The following NDRG3 variants were observed in gnomAD, a reference collection of about 807,000 sequenced individuals.
NDRG3 encodes the protein NDRG family member 3.
A neutral mutation model predicts 57.2 loss-of-function variants in NDRG3; 23 were observed. The observed-to-expected ratio is 0.40, with a 90% CI of 0.29 to 0.57. The LOEUF (loss-of-function observed/expected upper bound fraction) is 0.57. Ranked by LOEUF, NDRG3 falls within the 20% of genes least tolerant of loss-of-function variation. The probability of loss-of-function intolerance (pLI) is 0.42; values close to 1 mark genes in which losing one functional copy is unlikely to be tolerated. For synonymous variants in NDRG3, 132 were observed against 162.6 expected, an observed-to-expected ratio of 0.81 and a Z score of 1.43; for missense variants, 384 against 457.3, an observed-to-expected ratio of 0.84 and a Z score of 1.46.
chr20:36,687,440 C>T (rs1981884051), intron 5 of NDRG3, 52 bp downstream of exon 5: 1 of 1,589,974 alleles, frequency 6.3e-7, no homozygotes, highest in Non-Finnish European at 8.6e-7. Flanking sequence ...TGGAGCTCAG[C>T]CAGTTGCTCT....
intron 1 of NDRG3, among the ~76,000 whole-genome samples, chr20:36,735,657 G>C (rs1985566288): frequency 6.6e-6 from 1 of 152,070 alleles, no homozygotes; most frequent in African/African-American, 2.4e-5. Flanking sequence ...GGGGAAGGGA[G>C]GAGGGACATA....
chr20:36,682,652 C>T, intron 6 of NDRG3, 74 bp from the exon 7 acceptor site: 3 of 1,290,194 alleles, frequency 2.3e-6, no homozygotes, highest in Non-Finnish European at 3.3e-6. Flanking sequence ...TGAAAGCATA[C>T]AACCTGGGTT....
chr20:36,710,205 T>A lies in NDRG3; in HGVS notation c.58-3198A>T, dbSNP rs6101916. 6.5e-3 allele frequency among the ~76,000 whole-genome samples: 983 copies of A among 152,128 alleles called. 12 individuals carry two copies. The highest frequency in any genetic ancestry group is 0.022 in the African/African-American group (923 of 41,476). ...TGAGCGTGGTAGTGCATGCTTATAGTCCCAGCTACTTGAGGGGCTGAGGTG... is the reference window on the plus strand; with the variant it reads ...TGAGCGTGGTAGTGCATGCTTATAGACCCAGCTACTTGAGGGGCTGAGGTG... On this transcript the variant is annotated intron_variant, in intron 2 of 15. Coordinates refer to ENST00000349004, the MANE Select transcript of NDRG3 (RefSeq NM_032013.4).
At chr20:36,671,952 G>A (rs1193633341) in intron 8 of NDRG3, among the ~76,000 whole-genome samples, 2 of 152,156 alleles carry the variant, frequency 1.3e-5, no homozygotes, top group Non-Finnish European at 2.9e-5. Flanking sequence ...GGGACTGGAA[G>A]GACAATGTCA....
intron 8 of NDRG3, among the ~76,000 whole-genome samples, chr20:36,676,340 G>A (rs998846604): frequency 6.6e-6 from 1 of 152,204 alleles, no homozygotes; most frequent in Non-Finnish European, 1.5e-5. Flanking sequence ...CTGGAAATCA[G>A]TGATTTATTA....
chr20:36,669,844 C>G (rs762056380), intron 9 of NDRG3, among the ~76,000 whole-genome samples: 3 of 150,312 alleles, frequency 2.0e-5, no homozygotes, highest in Non-Finnish European at 4.4e-5. Context: ...GTGGTCTGCT[C>G]ACCTCAGCCT....
In NDRG3 at chr20:36,675,670, G is replaced by A. The variant is rs146943660; in HGVS notation, c.532-4273C>T. ...CAAAGTGCTGGGATTACAGGTGTAA[G>A]CTACTGCACCTGGCCTACTTTTAAA... On this transcript the variant is annotated intron_variant, in intron 8 of 15. Transcript: ENST00000349004. 6.5e-3 allele frequency among the ~76,000 whole-genome samples: 991 copies of A among 152,122 alleles called. 8 individuals are homozygous for A. Among genetic ancestry groups the A allele is most frequent in the African/African-American group, 0.022 (900 of 41,500 alleles).
chr20:36,688,226 T>C (rs1342398586), intron 4 of NDRG3, among the ~76,000 whole-genome samples: 2 of 152,264 alleles, frequency 1.3e-5, no homozygotes. Context: ...TGTGTGTCTA[T>C]GGCTGGGGCC....
At chr20:36,663,554 T>A (rs1979378226) in intron 12 of NDRG3, among the ~76,000 whole-genome samples, 5 of 152,188 alleles carry the variant, frequency 3.3e-5, no homozygotes, top group Admixed American at 2.0e-4. Flanking sequence ...ATACTATTTT[T>A]AACCAATCGA....
chr20:36,666,348 C>T lies in NDRG3; in HGVS notation c.633G>A (p.Met211Ile). ...CTTGGTTGATGTCTTGGGCAATATG[C>T]ATTCTGTAGGTTTGGATCAGGTCCA... is the stretch of plus-strand genomic sequence containing the variant. The part of the protein sequence containing the change: ...ANLDLIQTYR[M>I]HIAQDINQDN... Residue 211 changes from methionine (M) to isoleucine (I), a missense_variant, in exon 10 of 16, where the codon ATG (methionine) becomes ATA (isoleucine). Transcript: ENST00000349004. 6.2e-7 allele frequency: 1 copy of T among 1,614,136 alleles called. No homozygotes were observed. The highest frequency in any genetic ancestry group is 1.1e-5 in the South Asian group (1 of 91,090).
intron 3 of NDRG3, among the ~76,000 whole-genome samples, chr20:36,693,546 A>G (rs1982521131): frequency 1.3e-5 from 2 of 152,046 alleles, no homozygotes; most frequent in East Asian, 3.9e-4. Context: ...TTAGGAACCG[A>G]GCCGCACAGG....
chr20:36,729,708 T>C (rs1446665197), intron 1 of NDRG3, among the ~76,000 whole-genome samples: 3 of 151,842 alleles, frequency 2.0e-5, no homozygotes, highest in Admixed American at 6.6e-5. Flanking sequence ...TTGTACGTTT[T>C]GTAGTGTCAG....
intron 2 of NDRG3, among the ~76,000 whole-genome samples, chr20:36,719,120 CA>C (rs1392612278): frequency 6.6e-6 from 1 of 151,848 alleles, no homozygotes; most frequent in Non-Finnish European, 1.5e-5. Context: ...CAGGAGAAAC[CA>C]AATGGAGGTT....
chr20:36,739,462 A>G (rs1985806293), intron 1 of NDRG3, among the ~76,000 whole-genome samples: 1 of 150,978 alleles, frequency 6.6e-6, no homozygotes, highest in African/African-American at 2.4e-5. Context: ...AAAAGAAAAA[A>G]AAAAAAAAGC....
intron 2 of NDRG3, among the ~76,000 whole-genome samples, chr20:36,707,529 A>C (rs150059267): frequency 1.4e-3 from 216 of 152,310 alleles, no homozygotes; most frequent in African/African-American, 5.1e-3. Context: ...AGTGTTACTG[A>C]AGGAGGGAAA....
At chr20:36,669,310 A>T (rs748714835) in intron 9 of NDRG3, among the ~76,000 whole-genome samples, 1 of 151,084 alleles carries the variant, frequency 6.6e-6, no homozygotes, top group Non-Finnish European at 1.5e-5. Context: ...GCTCACTGCA[A>T]CCTCTGCCTC....
In NDRG3 at chr20:36,687,820, C is replaced by A. The variant is rs376631121; in HGVS notation, c.200-208G>T. Among the ~76,000 whole-genome samples the A allele has an allele frequency of 1.1e-4, 17 of 152,236 alleles. No individual in the cohort carries two copies. In the East Asian group the frequency reaches 2.1e-3, roughly 19 times the overall value. On this transcript the variant is annotated intron_variant, in intron 4 of 15. Transcript: ENST00000349004. ...ATTGAGATACATATTGAAAACAATT[C>A]TTAATTCTAAATAATGTCTGCAAAG...
intron 9 of NDRG3, among the ~76,000 whole-genome samples, chr20:36,669,395 A>AT (rs1181470497): frequency 5.3e-5 from 8 of 151,754 alleles, no homozygotes; most frequent in Admixed American, 3.9e-4. Context: ...CACGTGGCTA[A>AT]TTTTTTTTGT....
At chr20:36,676,238 CA>C (rs879334805) in intron 8 of NDRG3, among the ~76,000 whole-genome samples, 3 of 147,806 alleles carry the variant, frequency 2.0e-5, no homozygotes, top group East Asian at 2.0e-4. Flanking sequence ...AGATCCGTCT[CA>C]AAAAAAAATA....
Sources: allele counts gnomAD v4.1 joint callset (sites outside exome capture counted in the v4.1 genomes callset), GRCh38; gene constraint gnomAD v4.1.1; transcripts MANE v1.5; gene names NCBI Gene and HGNC (gene_info 2026-07-23, HGNC 2026-07-21).